Variants in ANKRD26 observed in about 807,000 individuals in gnomAD.
The protein encoded by ANKRD26 is ankyrin repeat domain-containing protein 26.
Under a neutral mutation model 208.7 loss-of-function variants are expected in ANKRD26, and 141 were observed. That is an observed-to-expected ratio of 0.68 (90% CI 0.59 to 0.78). ANKRD26 has a LOEUF of 0.78. ANKRD26 is among the 30% of genes least tolerant of loss of function. The pLI is 0.00. For synonymous variants in ANKRD26, 636 were observed against 660.4 expected, an observed-to-expected ratio of 0.96 and a Z score of 0.57; for missense variants, 1,889 against 1,938.7, an observed-to-expected ratio of 0.97 and a Z score of 0.48.
At chr10:27,028,519 C>G (rs1564367862) in intron 27 of ANKRD26, among the ~76,000 whole-genome samples, 1 of 144,390 alleles carries the variant, frequency 6.9e-6, no homozygotes, top group Admixed American at 7.2e-5. Context: ...ATGGCGTGAA[C>G]CCGGGAGGCA....
At chr10:27,054,796 T>C (rs1005597272) in intron 15 of ANKRD26, among the ~76,000 whole-genome samples, 2 of 152,034 alleles carry the variant, frequency 1.3e-5, no homozygotes, top group African/African-American at 4.8e-5. Context: ...AGCAGTTGAG[T>C]AATCCCAGAG....
chr10:27,006,942 T>C lies in ANKRD26; in HGVS notation c.4974A>G (p.Lys1658=), dbSNP rs1315908520. 2 of 1,610,262 alleles carry C rather than the reference T, an allele frequency of 1.2e-6. No homozygotes were observed. Among genetic ancestry groups the C allele is most frequent in the African/African-American group, 2.7e-5 (2 of 74,862 alleles). ...CTTCTTTGAGTTCTCTAGTTATATTTTTTTCCAACTCCTGCTGCATCTGAA... is the reference window on the plus strand; with the variant it reads ...CTTCTTTGAGTTCTCTAGTTATATTCTTTTCCAACTCCTGCTGCATCTGAA... The part of the protein sequence containing the change: ...YLSKMQQELE[K]NITRELKEAA... Residue 1658 remains lysine, a synonymous_variant, in exon 33 of 34, where the codon AAA becomes AAG. Transcript: ENST00000376087.
At chr10:27,030,550 T>C (rs1258761280) in intron 25 of ANKRD26, 2 of 985,338 alleles carry the variant, frequency 2.0e-6, no homozygotes, top group Non-Finnish European at 2.4e-6. Flanking sequence ...GGAGAAAAGC[T>C]GGAGCTCTTT....
In ANKRD26 at chr10:27,035,476, G is replaced by A. The variant is rs3824692; in HGVS notation, c.2974C>T (p.Leu992=). The change falls in exon 24 of 34, where the codon CTG becomes TTG. Residue 992 remains leucine (L), a synonymous_variant. Transcript: ENST00000376087. ...TCCTTGCTTTGCTTTTCATTCTCCA[G>A]TTTAGAATTTAGCATTGCATTCTCA... ...TAENAMLNSK[L]ENEKQSKERL... 6.0e-3 allele frequency: 9,670 copies of A among 1,613,872 alleles called. 312 individuals carry two copies. In the East Asian group the frequency reaches 0.1, roughly 17 times the overall value.
chr10:27,051,418 C>T (rs1233066233), intron 16 of ANKRD26: 2 of 1,137,136 alleles, frequency 1.8e-6, no homozygotes, highest in East Asian at 6.6e-5. Flanking sequence ...TACTGAGGCA[C>T]ACGTCTGATG....
At chr10:27,070,846 T>C (rs1031855408) in intron 9 of ANKRD26, among the ~76,000 whole-genome samples, 1 of 152,042 alleles carries the variant, frequency 6.6e-6, no homozygotes, top group Non-Finnish European at 1.5e-5. Context: ...TTTGTATCTT[T>C]AGTAGAGACA....
the ANKRD26 span, among the ~76,000 whole-genome samples, chr10:26,947,917 T>A: frequency 6.6e-6 from 1 of 152,208 alleles, no homozygotes; most frequent in African/African-American, 2.4e-5. Flanking sequence ...TTGAGATTTT[T>A]CATAAAACAA....
At chr10:27,016,024 C>G (rs994208099) in intron 30 of ANKRD26, among the ~76,000 whole-genome samples, 2 of 152,142 alleles carry the variant, frequency 1.3e-5, no homozygotes, top group Admixed American at 6.5e-5. Context: ...CAGTCTGTCG[C>G]CCATGCTTCA....
At chr10:26,968,211 T>C in the ANKRD26 span, among the ~76,000 whole-genome samples, 1 of 152,216 alleles carries the variant, frequency 6.6e-6, no homozygotes, top group Non-Finnish European at 1.5e-5. Flanking sequence ...TTCCAGGAAC[T>C]CAACCTGGGT....
chr10:27,017,143 T>TATCA (rs1250086954), intron 30 of ANKRD26, among the ~76,000 whole-genome samples: 1 of 152,226 alleles, frequency 6.6e-6, no homozygotes, highest in African/African-American at 2.4e-5. Context: ...TGAACTCTGA[T>TATCA]AATTTAAAGA....
chr10:27,029,163 C>T (rs368839645), intron 26 of ANKRD26, 123 bp downstream of exon 26: 14 of 1,261,010 alleles, frequency 1.1e-5, no homozygotes, highest in Non-Finnish European at 2.2e-6. Flanking sequence ...TTGCTTAATG[C>T]TGAAATTTTT....
At position 27,042,731 on chromosome 10, in the gene ANKRD26, C is replaced by T. The variant is rs181682139; in HGVS notation, c.2161+695G>A. ...TCGCGCCACTGCACTCCAGCCTGGA[C>T]GACAGAGCGAGACTCCATCTCAAAA... is the stretch of plus-strand genomic sequence containing the variant. On this transcript the variant is annotated intron_variant, in intron 20 of 33. Coordinates refer to ENST00000376087, the MANE Select transcript of ANKRD26 (RefSeq NM_014915.3). Among the ~76,000 whole-genome samples, 581 of 145,834 alleles carry T rather than the reference C, an allele frequency of 4.0e-3. 3 individuals carry two copies. Among genetic ancestry groups the T allele is most frequent in the South Asian group, 0.016 (75 of 4,658 alleles).
intron 17 of ANKRD26, among the ~76,000 whole-genome samples, chr10:27,048,567 C>T (rs2054539843): frequency 6.6e-6 from 1 of 152,044 alleles, no homozygotes; most frequent in South Asian, 2.1e-4. Context: ...TATGAGAATG[C>T]CTTTTTTCTC....
chr10:27,008,200 T>G (rs866783958), intron 32 of ANKRD26, among the ~76,000 whole-genome samples: 84 of 152,112 alleles, frequency 5.5e-4, no homozygotes, highest in African/African-American at 1.9e-3. Flanking sequence ...ATAGGTACTT[T>G]GTGGTGATAA....
At position 27,028,210 on chromosome 10, in the gene ANKRD26, A is replaced by T. The variant is rs182328276; in HGVS notation, c.3972+642T>A. ...AACTCTTGAGTGTGGACAGGATGTC[A>T]CAAGTGGAAAATTCCACACCTGACC... On this transcript the variant is annotated intron_variant, in intron 27 of 33. Coordinates refer to ENST00000376087, the MANE Select transcript of ANKRD26 (RefSeq NM_014915.3). 5.3e-5 allele frequency among the ~76,000 whole-genome samples: 8 copies of T among 152,342 alleles called. No homozygotes were observed. The East Asian group carries it at 1.5e-3, about 29-fold the overall frequency.
Position 27,035,452 on chromosome 10 carries a change from C to G in ANKRD26, c.2998G>C (p.Glu1000Gln), listed in dbSNP as rs376969366. The change falls in exon 24 of 34, where the codon GAA becomes CAA. Residue 1000 changes from glutamate to glutamine, a missense_variant. Coordinates refer to ENST00000376087, the MANE Select transcript of ANKRD26 (RefSeq NM_014915.3). ...GATTCAACTTCTGCTTCCAGTCTTT[C>G]CTTGCTTTGCTTTTCATTCTCCAGT... ...SKLENEKQSK[E>Q]RLEAEVESYH... 5 of 1,613,886 alleles carry G rather than the reference C, an allele frequency of 3.1e-6. No homozygotes were observed. In the African/African-American group the frequency reaches 6.7e-5, roughly 22 times the overall value.
chr10:27,029,822 A>T (rs1664856046), intron 25 of ANKRD26, among the ~76,000 whole-genome samples: 2 of 152,240 alleles, frequency 1.3e-5, no homozygotes, highest in Non-Finnish European at 2.9e-5. Flanking sequence ...ATGACATGTT[A>T]GGTGACAACT....
intron 6 of ANKRD26, chr10:27,080,555 A>G (rs2055870713): frequency 2.2e-6 from 2 of 900,522 alleles, no homozygotes; most frequent in Non-Finnish European, 2.7e-6. Context: ...AGATACCTAA[A>G]GAGAAAGAAT....
At chr10:27,027,512 G>A (rs747345770) in intron 27 of ANKRD26, among the ~76,000 whole-genome samples, 5 of 152,230 alleles carry the variant, frequency 3.3e-5, no homozygotes, top group East Asian at 3.9e-4. Flanking sequence ...TAATCCGAAC[G>A]TCCATCAATG....
Sources: allele counts gnomAD v4.1 joint callset (sites outside exome capture counted in the v4.1 genomes callset), GRCh38; gene constraint gnomAD v4.1.1; transcripts MANE v1.5; gene names NCBI Gene and HGNC (gene_info 2026-07-23, HGNC 2026-07-21).